ADGRL1: variants seen among roughly 807,000 people sequenced by gnomAD.
ADGRL1 encodes CIRL-1.
A neutral mutation model predicts 148.9 loss-of-function variants in ADGRL1; 31 were observed. The observed-to-expected ratio is 0.21, with a 90% CI of 0.16 to 0.28. The LOEUF (loss-of-function observed/expected upper bound fraction) is 0.28, where lower values mean the gene tolerates loss of function less well. Among genes scored for constraint, ADGRL1 ranks in the 10% least tolerant of loss-of-function variants. The pLI, the probability that ADGRL1 is intolerant of heterozygous loss-of-function variation, is 1.00. For synonymous variants in ADGRL1, 937 were observed against 900.3 expected, an observed-to-expected ratio of 1.04 and a Z score of -0.73; for missense variants, 1,521 against 2,058.8, an observed-to-expected ratio of 0.74 and a Z score of 5.05.
At chr19:14,177,035 G>C (rs1970871249) in intron 3 of ADGRL1, among the ~76,000 whole-genome samples, 1 of 151,956 alleles carries the variant, frequency 6.6e-6, no homozygotes. Flanking sequence ...TTCGAGACCT[G>C]CCTGGCCAAT....
At position 14,160,737 on chromosome 19, in the gene ADGRL1, G is replaced by A. The variant is rs763947218; in HGVS notation, c.1511-41C>T. The A allele has an allele frequency of 1.4e-4, 161 of 1,191,214 alleles. No homozygotes were observed. Among genetic ancestry groups the A allele is most frequent in the Non-Finnish European group, 1.9e-4 (149 of 800,700 alleles). The allele number at this position is 1,191,214 out of a possible 1,614,324, so 73.8% of individuals were successfully genotyped here. ...GACAGGAACAGACAAGGGAGCCAAA[G>A]GGAAGAAGAGAAGGATGGGACAGAG... On this transcript the variant is annotated intron_variant, in intron 6 of 22. Transcript: ENST00000361434. This position sits in a 1 kb window ranked among gnomAD's most constrained non-coding sequence, Gnocchi z 5.9.
Position 14,150,795 on chromosome 19 carries a change from G to A in ADGRL1, c.*78C>T. Reference sequence around the variant, plus strand: ...GGCCCACCAGCCACTGCCTCCATCTGTCTCCCTCTCCCACCAGAGCCCTGC... The same window carrying A: ...GGCCCACCAGCCACTGCCTCCATCTATCTCCCTCTCCCACCAGAGCCCTGC... On this transcript the variant is annotated 3_prime_UTR_variant, in exon 23 of 23. Transcript: ENST00000361434. 6.5e-7 allele frequency: 1 copy of A among 1,526,792 alleles called. No individual in the cohort carries two copies. 94.6% of individuals were successfully genotyped at this position (1,526,792 alleles called of 1,614,324 possible). A position where few individuals can be genotyped will look rare whatever the true frequency, so the allele number is the denominator to read the frequency against.
At chr19:14,203,599 G>C (rs1331296410) in intron 1 of ADGRL1, among the ~76,000 whole-genome samples, 2 of 152,108 alleles carry the variant, frequency 1.3e-5, no homozygotes, top group African/African-American at 4.8e-5. Context: ...GCGCCTGTAG[G>C]CTCCTCCCCA....
intron 4 of ADGRL1, chr19:14,169,938 C>G (rs1970328598): frequency 6.6e-6 from 1 of 152,216 alleles, no homozygotes; most frequent in African/African-American, 2.4e-5. Context: ...AGGCTCCTGG[C>G]TCCCCAAATC....
intron 3 of ADGRL1, among the ~76,000 whole-genome samples, chr19:14,175,123 G>A (rs376018594): frequency 4.9e-4 from 75 of 152,230 alleles, no homozygotes; most frequent in Admixed American, 2.9e-3. Context: ...GATTACAGGC[G>A]TGAGCCACCG....
intron 3 of ADGRL1, among the ~76,000 whole-genome samples, chr19:14,172,185 G>T (rs1176734980): frequency 1.3e-5 from 2 of 152,198 alleles, no homozygotes; most frequent in Admixed American, 6.5e-5. Flanking sequence ...ACTTTGGGAG[G>T]CCAAGGCGGG....
chr19:14,156,272 G>A lies in ADGRL1; in HGVS notation c.3034-71C>T, dbSNP rs1042992145. The A allele has an allele frequency of 1.9e-5, 23 of 1,217,102 alleles. No homozygotes were observed. The Admixed American group carries it at 2.7e-4, about 14-fold the overall frequency. 75.4% of individuals were successfully genotyped at this position (1,217,102 alleles called of 1,614,324 possible). A position where few individuals can be genotyped will look rare whatever the true frequency, so the allele number is the denominator to read the frequency against. ...TCCCTCAGTGAGCACTGAGGCTAGG[G>A]CCCAGCCTGGCGAAATCTCAGCTGT... On this transcript the variant is annotated intron_variant, in intron 16 of 22. Coordinates refer to ENST00000361434, the MANE Select transcript of ADGRL1 (RefSeq NM_014921.5).
In ADGRL1 at chr19:14,150,357, A is replaced by C; in HGVS notation, c.*516T>G. 1 of 153,722 alleles carries C rather than the reference A, an allele frequency of 6.5e-6. No homozygotes were observed. 9.5% of individuals were successfully genotyped at this position (153,722 alleles called of 1,614,324 possible). ...TTTCCCAGTCTCCAGGGAGCAGGGA[A>C]TTACAGCGCAGGAGGAACCTGTCCA... On this transcript the variant is annotated 3_prime_UTR_variant, in exon 23 of 23. Transcript: ENST00000361434.
intron 4 of ADGRL1, chr19:14,166,989 G>A (rs1047709031): frequency 1.8e-5 from 29 of 1,610,274 alleles, no homozygotes; most frequent in Non-Finnish European, 2.2e-5. Flanking sequence ...GTGAGTTAGG[G>A]GTTAGCATTG....
At chr19:14,180,076 C>A (rs1028778787) in intron 2 of ADGRL1, among the ~76,000 whole-genome samples, 2 of 152,058 alleles carry the variant, frequency 1.3e-5, no homozygotes, top group Non-Finnish European at 2.9e-5. Flanking sequence ...AACTGAGCTC[C>A]AATACAAACC....
intron 1 of ADGRL1, among the ~76,000 whole-genome samples, chr19:14,196,791 C>T (rs1972289912): frequency 6.6e-6 from 1 of 152,094 alleles, no homozygotes; most frequent in African/African-American, 2.4e-5. Context: ...CTGCTGGCCC[C>T]CACACTCCTA....
At chr19:14,186,822 C>T (rs1465849773) in intron 1 of ADGRL1, among the ~76,000 whole-genome samples, 1 of 151,656 alleles carries the variant, frequency 6.6e-6, no homozygotes, top group Non-Finnish European at 1.5e-5. Context: ...AGTTCCAGTC[C>T]CCAAGCAGGA....
rs527515764 is a variant in ADGRL1 at position 14,170,652 on chromosome 19, C to T, written c.394+30G>A. On this transcript the variant is annotated intron_variant, in intron 4 of 22. Coordinates refer to ENST00000361434, the MANE Select transcript of ADGRL1 (RefSeq NM_014921.5). Reference sequence around the variant, plus strand: ...CTCACTCACTCATGCGAGAAGGGCCCGCATCCGCACAAGGAACAAGATGAC... The same window carrying T: ...CTCACTCACTCATGCGAGAAGGGCCTGCATCCGCACAAGGAACAAGATGAC... 2.2e-5 allele frequency: 30 copies of T among 1,376,034 alleles called. No individual in the cohort carries two copies. In the East Asian group the frequency reaches 2.3e-4, roughly 11 times the overall value. The allele number at this position is 1,376,034 out of a possible 1,614,324, so 85.2% of individuals were successfully genotyped here. A position where few individuals can be genotyped will look rare whatever the true frequency, so the allele number is the denominator to read the frequency against.
At chr19:14,166,544 G>A (rs1357767701) in intron 4 of ADGRL1, among the ~76,000 whole-genome samples, 5 of 151,870 alleles carry the variant, frequency 3.3e-5, no homozygotes, top group African/African-American at 7.3e-5. Flanking sequence ...GGGGAAGGAG[G>A]AAGAGAGAGG....
At position 14,152,287 on chromosome 19, in the gene ADGRL1, G is replaced by A. The variant is rs1193707122; in HGVS notation, c.3649+22C>T. The A allele has an allele frequency of 6.2e-7, 1 of 1,606,070 alleles. No individual in the cohort carries two copies. Among genetic ancestry groups the A allele is most frequent in the Non-Finnish European group, 8.5e-7 (1 of 1,174,840 alleles). On this transcript the variant is annotated intron_variant, in intron 21 of 22. Transcript: ENST00000361434. This position sits in a 1 kb window ranked among gnomAD's most constrained non-coding sequence, Gnocchi z 6.1. ...ACAAACCCTCCATTTCCCAACCTGG[G>A]ATGTTTCCCCCGTGCTCTCACCTGG...
In ADGRL1 at chr19:14,197,070, TGA is replaced by T. The variant is rs575855936; in HGVS notation, c.-96+8913_-96+8914del. Among the ~76,000 whole-genome samples, 184 of 152,180 alleles carry T rather than the reference TGA, an allele frequency of 1.2e-3. 1 individual carries two copies. The highest frequency in any genetic ancestry group is 4.3e-3 in the African/African-American group (180 of 41,526). ...GCAGAATTGCTTGTGTCCAGGAGTTTGAGACCAGCCTGGGCAACACAGTGAGA... is the reference window on the plus strand; with the variant it reads ...GCAGAATTGCTTGTGTCCAGGAGTTTGACCAGCCTGGGCAACACAGTGAGA... On this transcript the variant is annotated intron_variant, in intron 1 of 22. Coordinates refer to ENST00000361434, the MANE Select transcript of ADGRL1 (RefSeq NM_014921.5).
Position 14,161,565 on chromosome 19 carries a change from G to A in ADGRL1, c.1257C>T (p.Ser419=). Residue 419 remains serine, a synonymous_variant, in exon 6 of 23, where the codon AGC becomes AGT. Coordinates refer to ENST00000361434, the MANE Select transcript of ADGRL1 (RefSeq NM_014921.5). This position sits in a 1 kb window ranked among gnomAD's most constrained non-coding sequence, Gnocchi z 4.4. ...TTTARPTPLT[S]TASPAATTPL... ...GGGTGGTGGCTGCGGGCGAGGCTGT[G>A]CTGGTGAGGGGCGTGGGCCTGGCTG... The A allele has an allele frequency of 6.9e-7, 1 of 1,456,700 alleles. No homozygotes were observed. The highest frequency in any genetic ancestry group is 9.0e-7 in the Non-Finnish European group (1 of 1,107,276). The allele number at this position is 1,456,700 out of a possible 1,614,324, so 90.2% of individuals were successfully genotyped here.
In ADGRL1 at chr19:14,159,239, G is replaced by A. The variant is rs369456140; in HGVS notation, c.2024-24C>T. 1.7e-4 allele frequency: 281 copies of A among 1,613,156 alleles called. No individual in the cohort carries two copies. Among genetic ancestry groups the A allele is most frequent in the Middle Eastern group, 9.9e-4 (6 of 6,076 alleles). ...GACTGTGGGGACAGGGGAAGGCAAG[G>A]CATACACAGTTGGGGTCTGTTCCCA... On this transcript the variant is annotated intron_variant, in intron 10 of 22. Transcript: ENST00000361434. This position sits in a 1 kb window ranked among gnomAD's most constrained non-coding sequence, Gnocchi z 6.0.
At chr19:14,174,525 G>A (rs1970685644) in intron 3 of ADGRL1, among the ~76,000 whole-genome samples, 1 of 150,342 alleles carries the variant, frequency 6.7e-6, no homozygotes, top group Non-Finnish European at 1.5e-5. Flanking sequence ...CTCCTCCCCT[G>A]GTAACACACA....
Sources: allele counts gnomAD v4.1 joint callset (sites outside exome capture counted in the v4.1 genomes callset), GRCh38; gene constraint gnomAD v4.1.1; non-coding constraint Gnocchi (gnomAD v3.1); transcripts MANE v1.5; gene names NCBI Gene and HGNC (gene_info 2026-07-23, HGNC 2026-07-21).